Variants in SFMBT2 observed in about 807,000 individuals in gnomAD.
SFMBT2 encodes scm-like with four MBT domains protein 2.
SFMBT2 carries 38 observed loss-of-function variants against 110.1 expected under a neutral mutation model. The observed-to-expected ratio is 0.35, with a 90% CI of 0.27 to 0.45. The LOEUF is 0.45. Ranked by LOEUF, SFMBT2 falls within the 20% of genes least tolerant of loss-of-function variation. The pLI, the probability that SFMBT2 is intolerant of heterozygous loss-of-function variation, is 1.00. For missense variants in SFMBT2, 1,011 were observed against 1,094.9 expected, an observed-to-expected ratio of 0.92 and a Z score of 1.08; for synonymous variants, 425 against 425.4, an observed-to-expected ratio of 1.00 and a Z score of 0.01.
At chr10:7,289,547 T>C (rs1207929892) in intron 4 of SFMBT2, among the ~76,000 whole-genome samples, 1 of 152,212 alleles carries the variant, frequency 6.6e-6, no homozygotes, top group Non-Finnish European at 1.5e-5. Flanking sequence ...AAGCAATCTT[T>C]TATGAGCCAC....
chr10:7,261,283 A>T (rs1031211052), intron 7 of SFMBT2, among the ~76,000 whole-genome samples: 3 of 152,186 alleles, frequency 2.0e-5, no homozygotes, highest in African/African-American at 7.2e-5. Flanking sequence ...TTTCCTTCGT[A>T]CCTTTTTATG....
intron 1 of SFMBT2, among the ~76,000 whole-genome samples, chr10:7,391,771 T>C (rs1228629159): frequency 2.0e-5 from 3 of 152,358 alleles, no homozygotes; most frequent in African/African-American, 7.2e-5. Context: ...CTCCTGATAG[T>C]TTCTCTGTGG....
intron 4 of SFMBT2, among the ~76,000 whole-genome samples, chr10:7,346,858 C>T (rs1050186886): frequency 6.6e-6 from 1 of 150,408 alleles, no homozygotes. Context: ...TGGTGGCAGG[C>T]GCCTGTAATC....
chr10:7,304,480 G>C (rs1331168816), intron 4 of SFMBT2, among the ~76,000 whole-genome samples: 3 of 152,034 alleles, frequency 2.0e-5, no homozygotes, highest in African/African-American at 4.8e-5. Flanking sequence ...CGTACTAAGG[G>C]GCTTGGTTTT....
intron 4 of SFMBT2, among the ~76,000 whole-genome samples, chr10:7,299,057 C>T (rs1480071676): frequency 6.6e-6 from 1 of 152,090 alleles, no homozygotes; most frequent in East Asian, 1.9e-4. Flanking sequence ...CTACAAAATA[C>T]AAAAATTAGC....
chr10:7,187,367 GA>G (rs1470321192), intron 16 of SFMBT2, among the ~76,000 whole-genome samples: 2 of 152,200 alleles, frequency 1.3e-5, no homozygotes, highest in Non-Finnish European at 2.9e-5. Context: ...CTTTAAAGCA[GA>G]AAAATATGAA....
rs61834673 is a variant in SFMBT2, at chr10:7,394,367, G to A, written c.-51-12418C>T. Among the ~76,000 whole-genome samples the A allele has an allele frequency of 2.5e-3, 383 of 151,480 alleles. 2 individuals are homozygous for A. The highest frequency in any genetic ancestry group is 4.4e-3 in the Non-Finnish European group (297 of 67,926). On this transcript the variant is annotated intron_variant, in intron 1 of 20. Transcript: ENST00000397167. Reference sequence around the variant, plus strand: ...CAGTCATCTCCTGCCCTTCTCCCGCGTCCCCATCTCCTGCTTGGGGACCAC... The same window carrying A: ...CAGTCATCTCCTGCCCTTCTCCCGCATCCCCATCTCCTGCTTGGGGACCAC...
At chr10:7,390,600 T>C (rs892174858) in intron 1 of SFMBT2, among the ~76,000 whole-genome samples, 2 of 152,178 alleles carry the variant, frequency 1.3e-5, no homozygotes, top group African/African-American at 4.8e-5. Context: ...TGTAGTCATG[T>C]ACCAAGTTTT....
intron 15 of SFMBT2, among the ~76,000 whole-genome samples, chr10:7,196,112 G>C (rs577761467): frequency 1.3e-5 from 2 of 152,110 alleles, no homozygotes; most frequent in Non-Finnish European, 2.9e-5. Flanking sequence ...CGAGGCTCTC[G>C]TGTGGAGGGA....
chr10:7,336,151 G>A (rs1011478769), intron 4 of SFMBT2, among the ~76,000 whole-genome samples: 3 of 152,158 alleles, frequency 2.0e-5, no homozygotes, highest in Non-Finnish European at 4.4e-5. Flanking sequence ...ATAAAACGCT[G>A]TAAAATATGT....
At chr10:7,176,370 C>T (rs1459113598) in intron 16 of SFMBT2, 1 of 690,520 alleles carries the variant, frequency 1.4e-6, no homozygotes, top group Non-Finnish European at 1.8e-6. Flanking sequence ...CGTAACAGTG[C>T]TAAACCAGAA....
chr10:7,263,514 T>C (rs1404259024), intron 7 of SFMBT2, among the ~76,000 whole-genome samples: 1 of 152,186 alleles, frequency 6.6e-6, no homozygotes, highest in Non-Finnish European at 1.5e-5. Flanking sequence ...AGTGCTGGGA[T>C]TACAGGTGTG....
chr10:7,266,365 C>T (rs1439857610), intron 7 of SFMBT2, among the ~76,000 whole-genome samples: 4 of 152,172 alleles, frequency 2.6e-5, no homozygotes, highest in African/African-American at 9.7e-5. Context: ...GCTGGGATTA[C>T]AGGCATGAGC....
chr10:7,181,487 T>C (rs1838245706), intron 16 of SFMBT2, among the ~76,000 whole-genome samples: 2 of 152,206 alleles, frequency 1.3e-5, no homozygotes, highest in Admixed American at 6.5e-5. Flanking sequence ...GGAGAATGAA[T>C]AGTATCTTTA....
chr10:7,367,597 C>T lies in SFMBT2; in HGVS notation c.436+52G>A. The T allele has an allele frequency of 2.5e-6, 4 of 1,576,666 alleles. No homozygotes were observed. The South Asian group carries it at 3.5e-5, about 14-fold the overall frequency. On this transcript the variant is annotated intron_variant, in intron 4 of 20. Transcript: ENST00000397167. The surrounding 1 kb of genome is among the most constrained non-coding windows in gnomAD (Gnocchi z 6.2). ...TCTCTGCTCCTTGCAAAATTACAGG[C>T]GTCATGAAGGATGGCGGCTCGTAAA...
Position 7,360,851 on chromosome 10 carries a change from C to CTTT in SFMBT2, c.436+6797_436+6798insAAA, listed in dbSNP as rs1405336334. Reference sequence around the variant, plus strand: ...TTGTTGTAAAAGGTCCATTCAGTGCCTATTGAGAAAGGGTTACTTTGTTTC... The same window carrying CTTT: ...TTGTTGTAAAAGGTCCATTCAGTGCCTTTTATTGAGAAAGGGTTACTTTGTTTC... On this transcript the variant is annotated intron_variant, in intron 4 of 20. Coordinates refer to ENST00000397167, the MANE Select transcript of SFMBT2 (RefSeq NM_001387889.1). Among the ~76,000 whole-genome samples, 5 of 152,194 alleles carry CTTT rather than the reference C, an allele frequency of 3.3e-5. No individual in the cohort carries two copies. The East Asian group carries it at 9.6e-4, about 29-fold the overall frequency.
At chr10:7,312,943 C>T (rs1842899907) in intron 4 of SFMBT2, among the ~76,000 whole-genome samples, 3 of 152,066 alleles carry the variant, frequency 2.0e-5, no homozygotes, top group Non-Finnish European at 4.4e-5. Flanking sequence ...TTTGGCTCTG[C>T]CAAAGGACTG....
intron 4 of SFMBT2, chr10:7,348,200 G>A (rs1844177698): frequency 8.8e-7 from 1 of 1,136,582 alleles, no homozygotes; most frequent in Non-Finnish European, 1.2e-6. Context: ...GTTGGTTTAT[G>A]TTTGAGGGTG....
intron 15 of SFMBT2, among the ~76,000 whole-genome samples, chr10:7,197,071 T>C (rs1448590283): frequency 6.6e-6 from 1 of 151,820 alleles, no homozygotes; most frequent in Admixed American, 6.6e-5. Flanking sequence ...CGTGTGCAGG[T>C]ACCAGGTGCT....
Sources: allele counts gnomAD v4.1 joint callset (sites outside exome capture counted in the v4.1 genomes callset), GRCh38; gene constraint gnomAD v4.1.1; non-coding constraint Gnocchi (gnomAD v3.1); transcripts MANE v1.5; gene names NCBI Gene and HGNC (gene_info 2026-07-23, HGNC 2026-07-21).